The following DENND1A variants were observed in gnomAD, a reference collection of about 807,000 sequenced individuals.
DENND1A encodes DENN domain-containing protein 1A.
In DENND1A, 51 loss-of-function variants were observed where a neutral mutation model predicts 113.7. The ratio of observed to expected loss-of-function variants is 0.45; its 90% confidence interval spans 0.36 to 0.57. The LOEUF is 0.57. DENND1A is among the 20% of genes least tolerant of loss of function. DENND1A has a pLI of 0.00. For synonymous variants in DENND1A, 565 were observed against 570.8 expected, an observed-to-expected ratio of 0.99 and a Z score of 0.14; for missense variants, 1,258 against 1,395.9, an observed-to-expected ratio of 0.90 and a Z score of 1.57.
chr9:123,706,145 C>CTTTT (rs368559777), intron 5 of DENND1A, among the ~76,000 whole-genome samples: 75 of 133,138 alleles, frequency 5.6e-4, no homozygotes, highest in Middle Eastern at 3.8e-3. Context: ...GATATTTTTT[C>CTTTT]TTTTTTTTTT....
At chr9:123,808,036 C>A (rs1481183350) in intron 2 of DENND1A, among the ~76,000 whole-genome samples, 2 of 152,010 alleles carry the variant, frequency 1.3e-5, no homozygotes, top group Non-Finnish European at 2.9e-5. Flanking sequence ...GACCAGCCTG[C>A]CCAACATGGT....
intron 4 of DENND1A, among the ~76,000 whole-genome samples, chr9:123,758,422 A>G (rs1206120367): frequency 6.6e-6 from 1 of 152,244 alleles, no homozygotes; most frequent in African/African-American, 2.4e-5. Context: ...CCCATTTTAC[A>G]GAAAAGGAAA....
At chr9:123,478,499 T>C (rs1293975005) in intron 13 of DENND1A, among the ~76,000 whole-genome samples, 1 of 152,182 alleles carries the variant, frequency 6.6e-6, no homozygotes, top group Non-Finnish European at 1.5e-5. Flanking sequence ...CTCCCTCCTT[T>C]CCAATAACCA....
At chr9:123,928,614 T>C (rs1857504806) in intron 1 of DENND1A, 1 of 985,324 alleles carries the variant, frequency 1.0e-6, no homozygotes, top group Admixed American at 6.2e-5. Flanking sequence ...ACTTTTCTAG[T>C]TTCATTCAGC....
intron 13 of DENND1A, among the ~76,000 whole-genome samples, chr9:123,551,982 A>AGAGAGAGAGCGAGAGAGAGC (rs201646368): frequency 2.6e-5 from 4 of 151,294 alleles, no homozygotes; most frequent in Non-Finnish European, 4.4e-5. Flanking sequence ...ATTAGGAAAG[A>AGAGAGAGAGCGAGAGAGAGC]GAGAGAGAGC....
rs573298811 is a variant in DENND1A, at chr9:123,688,621, C to G, written c.303-11832G>C. Among the ~76,000 whole-genome samples, 8 of 152,294 alleles carry G rather than the reference C, an allele frequency of 5.3e-5. No individual in the cohort carries two copies. The South Asian group carries it at 1.5e-3, about 28-fold the overall frequency. On this transcript the variant is annotated intron_variant, in intron 5 of 23. Coordinates refer to ENST00000394215, the MANE Select transcript of DENND1A (RefSeq NM_001352964.2). ...ATGCGCATTCCTTCTGTACCCAAAT[C>G]ACACAGCAGCCACAGCATGAAATAG... is the stretch of plus-strand genomic sequence containing the variant.
At chr9:123,526,700 G>A (rs1039697268) in intron 13 of DENND1A, among the ~76,000 whole-genome samples, 3 of 152,148 alleles carry the variant, frequency 2.0e-5, no homozygotes, top group South Asian at 2.1e-4. Flanking sequence ...ATCCCTTGGC[G>A]TTGGCATGTT....
At chr9:123,538,837 T>C (rs1446763641) in intron 13 of DENND1A, among the ~76,000 whole-genome samples, 1 of 118,438 alleles carries the variant, frequency 8.4e-6, no homozygotes, top group South Asian at 2.7e-4. Flanking sequence ...TATATATATA[T>C]ATATATATAT....
chr9:123,582,778 C>T (rs113873948), intron 12 of DENND1A, among the ~76,000 whole-genome samples: 8 of 152,020 alleles, frequency 5.3e-5, no homozygotes, highest in African/African-American at 1.9e-4. Context: ...CAGCTCAATG[C>T]AACCTCCACC....
In DENND1A at chr9:123,422,821, C is replaced by T. The variant is rs1477687325; in HGVS notation, c.1489-10992G>A. Among the ~76,000 whole-genome samples, 1 of 152,134 alleles carries T rather than the reference C, an allele frequency of 6.6e-6. No homozygotes were observed. On this transcript the variant is annotated intron_variant, in intron 19 of 23. Transcript: ENST00000394215. This position sits in a 1 kb window ranked among gnomAD's most constrained non-coding sequence, Gnocchi z 4.8. The stretch of plus-strand genomic sequence containing the variant: ...CGTGTGACATTTTTATTCATGGTGG[C>T]GTACGCCCTTGTAATGATCAGCTCT...
chr9:123,659,284 C>T (rs759428102), intron 8 of DENND1A, among the ~76,000 whole-genome samples: 7 of 152,170 alleles, frequency 4.6e-5, no homozygotes, highest in Non-Finnish European at 1.0e-4. Context: ...TAAATATTTA[C>T]AAACCATCTA....
chr9:123,888,593 C>T (rs1207726566), intron 1 of DENND1A, among the ~76,000 whole-genome samples: 1 of 152,200 alleles, frequency 6.6e-6, no homozygotes, highest in Admixed American at 6.5e-5. Context: ...GGAGATGCTA[C>T]ACCTGAAGAA....
At chr9:123,693,840 T>TTATTA (rs1446103797) in intron 5 of DENND1A, among the ~76,000 whole-genome samples, 1 of 148,702 alleles carries the variant, frequency 6.7e-6, no homozygotes, top group Non-Finnish European at 1.5e-5. Context: ...ATTATTATTA[T>TTATTA]TATTTTGAGA....
intron 9 of DENND1A, among the ~76,000 whole-genome samples, chr9:123,637,098 CAGAT>C (rs2061746578): frequency 6.6e-6 from 1 of 152,192 alleles, no homozygotes; most frequent in East Asian, 1.9e-4. Context: ...GGAAGACAAT[CAGAT>C]GGTCACAGTC....
At chr9:123,516,701 C>A (rs1260627590) in intron 13 of DENND1A, among the ~76,000 whole-genome samples, 1 of 151,780 alleles carries the variant, frequency 6.6e-6, no homozygotes, top group Admixed American at 6.6e-5. Context: ...TCCTGGCCAA[C>A]ATGGTGAAAT....
At chr9:123,658,502 A>C (rs895880059) in intron 8 of DENND1A, among the ~76,000 whole-genome samples, 1 of 152,232 alleles carries the variant, frequency 6.6e-6, no homozygotes, top group African/African-American at 2.4e-5. Context: ...TTACAGAGTG[A>C]TAGTTTTTCA....
At chr9:123,570,784 G>T (rs2058311706) in intron 12 of DENND1A, among the ~76,000 whole-genome samples, 1 of 152,176 alleles carries the variant, frequency 6.6e-6, no homozygotes, top group Admixed American at 6.5e-5. Flanking sequence ...GGAATCAAAT[G>T]CATTGTTGAC....
At chr9:123,536,487 A>T (rs1173446686) in intron 13 of DENND1A, among the ~76,000 whole-genome samples, 1 of 151,980 alleles carries the variant, frequency 6.6e-6, no homozygotes, top group East Asian at 1.9e-4. Context: ...AAAAAAGAAA[A>T]AGAAAAGCTG....
At chr9:123,779,490 T>C (rs1158427281) in intron 3 of DENND1A, among the ~76,000 whole-genome samples, 1 of 152,202 alleles carries the variant, frequency 6.6e-6, no homozygotes, top group East Asian at 1.9e-4. Flanking sequence ...TCCTATTCTT[T>C]TTTGTTCTGT....
Sources: allele counts gnomAD v4.1 joint callset (sites outside exome capture counted in the v4.1 genomes callset), GRCh38; gene constraint gnomAD v4.1.1; non-coding constraint Gnocchi (gnomAD v3.1); transcripts MANE v1.5; gene names NCBI Gene and HGNC (gene_info 2026-07-23, HGNC 2026-07-21).